MEF2C: variants seen among roughly 807,000 people sequenced by gnomAD.
MEF2C encodes myocyte-specific enhancer factor 2C.
MEF2C carries 6 observed loss-of-function variants against 50.5 expected under a neutral mutation model. That is an observed-to-expected ratio of 0.12 (90% CI 0.07 to 0.23). The LOEUF (loss-of-function observed/expected upper bound fraction) is 0.23, where lower values mean the gene tolerates loss of function less well. Among genes scored for constraint, MEF2C ranks in the 10% least tolerant of loss-of-function variants. The pLI, the probability that MEF2C is intolerant of heterozygous loss-of-function variation, is 1.00. For missense variants in MEF2C, 276 were observed against 605.0 expected (o/e 0.46, Z 5.70); for synonymous variants, 183 against 228.0 (o/e 0.80, Z 1.78).
chr5:88,799,512 T>C (rs973486918), intron 3 of MEF2C, among the ~76,000 whole-genome samples: 3 of 152,250 alleles, frequency 2.0e-5, no homozygotes, highest in Non-Finnish European at 2.9e-5. Flanking sequence ...TGTAAAGAAG[T>C]CCAATTTCGC....
At chr5:88,848,081 G>A (rs1431937271) in intron 1 of MEF2C, among the ~76,000 whole-genome samples, 1 of 152,074 alleles carries the variant, frequency 6.6e-6, no homozygotes, top group Non-Finnish European at 1.5e-5. Context: ...GGCATAAAAT[G>A]TAACTAAAAA....
At chr5:88,762,379 G>C (rs1024662055) in intron 3 of MEF2C, among the ~76,000 whole-genome samples, 4 of 152,138 alleles carry the variant, frequency 2.6e-5, no homozygotes, top group Non-Finnish European at 4.4e-5. Context: ...CTGGGTTCAA[G>C]TGATTCTCCT....
chr5:88,835,578 G>A (rs1404169801), intron 1 of MEF2C, among the ~76,000 whole-genome samples: 6 of 152,004 alleles, frequency 3.9e-5, no homozygotes, highest in South Asian at 4.1e-4. Context: ...TTGAGAGGCC[G>A]AGGCATGTGG....
At chr5:88,848,732 G>A (rs2153371944) in intron 1 of MEF2C, among the ~76,000 whole-genome samples, 1 of 152,284 alleles carries the variant, frequency 6.6e-6, no homozygotes, top group African/African-American at 2.4e-5. Context: ...CTCTGTGAAA[G>A]AGTTAAAAGA....
intron 1 of MEF2C, among the ~76,000 whole-genome samples, chr5:88,841,563 C>T (rs556390133): frequency 6.0e-5 from 9 of 150,790 alleles, no homozygotes; most frequent in Non-Finnish European, 1.3e-4. Context: ...TGATCTTAGG[C>T]TTTAGTCAAA....
At chr5:88,794,809 A>AT (rs951098966) in intron 3 of MEF2C, among the ~76,000 whole-genome samples, 1 of 151,832 alleles carries the variant, frequency 6.6e-6, no homozygotes, top group African/African-American at 2.4e-5. Context: ...ATCTACAGTT[A>AT]TTTTTTTGTA....
intron 1 of MEF2C, among the ~76,000 whole-genome samples, chr5:88,898,516 T>G (rs193041366): frequency 1.3e-5 from 2 of 152,254 alleles, no homozygotes; most frequent in Non-Finnish European, 2.9e-5. Context: ...CTGGCACTGG[T>G]CATAGTCACT....
intron 1 of MEF2C, among the ~76,000 whole-genome samples, chr5:88,901,971 C>G (rs1356572000): frequency 6.6e-6 from 1 of 151,640 alleles, no homozygotes. Context: ...TTGGCAGAAG[C>G]TTTTGGTTTG....
At chr5:88,824,284 CAG>C (rs1809878140) in intron 1 of MEF2C, 1 of 985,006 alleles carries the variant, frequency 1.0e-6, no homozygotes. Context: ...TTACCTAAAT[CAG>C]AGAGTTAATG....
chr5:88,842,914 C>T (rs11951031), intron 1 of MEF2C, among the ~76,000 whole-genome samples: 6,033 of 152,194 alleles, frequency 0.04, 182 homozygotes, highest in South Asian at 0.058. Flanking sequence ...GGGTTCTATT[C>T]TGGAACAGTG....
At chr5:88,735,125 T>C in intron 6 of MEF2C, 1 of 985,382 alleles carries the variant, frequency 1.0e-6, no homozygotes, top group Non-Finnish European at 1.2e-6. Context: ...TGAAAATCAA[T>C]GATGAATACA....
chr5:88,774,109 T>C (rs899743599), intron 3 of MEF2C, among the ~76,000 whole-genome samples: 1 of 152,186 alleles, frequency 6.6e-6, no homozygotes, highest in Non-Finnish European at 1.5e-5. Context: ...AAAGGCCGAC[T>C]GGAAGTCAGA....
At chr5:88,859,719 T>C (rs892322132) in intron 1 of MEF2C, among the ~76,000 whole-genome samples, 1 of 152,244 alleles carries the variant, frequency 6.6e-6, no homozygotes, top group African/African-American at 2.4e-5. Flanking sequence ...AAAAACTCTT[T>C]GCAGACATGA....
At chr5:88,748,680 T>C (rs377424787) in intron 6 of MEF2C, 3 of 705,050 alleles carry the variant, frequency 4.3e-6, no homozygotes, top group African/African-American at 1.9e-5. Flanking sequence ...TCTTTAGAAA[T>C]GCATAGAAGT....
intron 1 of MEF2C, among the ~76,000 whole-genome samples, chr5:88,857,506 C>T (rs757909455): frequency 1.3e-5 from 2 of 151,994 alleles, no homozygotes; most frequent in Admixed American, 6.6e-5. Context: ...TTGGGAGGGG[C>T]CAGGGGAGAA....
chr5:88,733,818 A>C, intron 6 of MEF2C: 1 of 985,372 alleles, frequency 1.0e-6, no homozygotes, highest in Non-Finnish European at 1.2e-6. Flanking sequence ...CACCCCCAAA[A>C]CGTGTGTTAA....
intron 3 of MEF2C, among the ~76,000 whole-genome samples, chr5:88,781,889 C>A (rs528082543): frequency 9.0e-4 from 137 of 152,108 alleles, no homozygotes; most frequent in Non-Finnish European, 1.5e-3. Context: ...AGGAGAATTG[C>A]TTGAGCCCAG....
rs375817721 is a variant in MEF2C, at chr5:88,783,338, CAG to C, written c.258+21258_258+21259del. The stretch of plus-strand genomic sequence containing the variant: ...ATTTACAGACGATGGGATTAAGAAA[CAG>C]AGAGTTGGCCGGGTGCAGTGGTTCA... On this transcript the variant is annotated intron_variant, in intron 3 of 10. Transcript: ENST00000504921. Among the ~76,000 whole-genome samples the C allele has an allele frequency of 5.3e-3, 803 of 152,172 alleles. 6 individuals carry two copies. The highest frequency in any genetic ancestry group is 0.019 in the African/African-American group (781 of 41,514).
At chr5:88,731,628 T>C in intron 7 of MEF2C, 101 bp downstream of exon 7, 6 of 1,078,586 alleles carry the variant, frequency 5.6e-6, no homozygotes, top group Non-Finnish European at 8.2e-6. Context: ...GTTAATTTTC[T>C]GGGAGAATGT....
Sources: gnomAD v4.1 joint callset for allele counts (sites outside exome capture counted in the v4.1 genomes callset) on GRCh38, gnomAD v4.1.1 for gene constraint, MANE v1.5 for transcripts, NCBI Gene and HGNC (gene_info 2026-07-23, HGNC 2026-07-21) for gene names.